CAP2: variants seen among roughly 807,000 people sequenced by gnomAD.
The protein encoded by CAP2 is cyclase associated actin cytoskeleton regulatory protein 2.
CAP2 carries 24 observed loss-of-function variants against 57.7 expected under a neutral mutation model. The ratio of observed to expected loss-of-function variants is 0.42; its 90% CI spans 0.30 to 0.58. The LOEUF (loss-of-function observed/expected upper bound fraction) is 0.58. CAP2 is among the 20% of genes least tolerant of loss of function. The pLI is 0.22. For synonymous variants in CAP2, 194 were observed against 207.2 expected, an observed-to-expected ratio of 0.94 and a Z score of 0.55; for missense variants, 501 against 590.3, an observed-to-expected ratio of 0.85 and a Z score of 1.57.
intron 4 of CAP2, among the ~76,000 whole-genome samples, chr6:17,483,322 T>C (rs1761340337): frequency 6.6e-6 from 1 of 152,256 alleles, no homozygotes; most frequent in Non-Finnish European, 1.5e-5. Flanking sequence ...TTCAGCAATT[T>C]TCTTGATTTC....
intron 4 of CAP2, among the ~76,000 whole-genome samples, chr6:17,480,672 A>G (rs995658901): frequency 2.0e-5 from 3 of 151,976 alleles, no homozygotes; most frequent in African/African-American, 7.3e-5. Flanking sequence ...GAAGCGCCTG[A>G]AGTGTCTTTG....
chr6:17,466,391 ACT>A (rs947634721), intron 4 of CAP2, among the ~76,000 whole-genome samples: 1 of 151,980 alleles, frequency 6.6e-6, no homozygotes, highest in Admixed American at 6.6e-5. Flanking sequence ...GAGTCCCAAG[ACT>A]CTGCGGTTCT....
rs567675285 is a variant in CAP2 at position 17,461,992 on chromosome 6, C to CAAAAAAAA, written c.223-980_223-973dup. ...TGGGCAACAGGGCGAGACTCCGTCT[C>CAAAAAAAA]AAAAAAAAAAAAAAAAAAAAAAAAA... On this transcript the variant is annotated intron_variant, in intron 3 of 12. Coordinates refer to ENST00000229922, the MANE Select transcript of CAP2 (RefSeq NM_006366.3). 2.8e-3 allele frequency among the ~76,000 whole-genome samples: 78 copies of CAAAAAAAA among 27,858 alleles called. 10 individuals are homozygous for CAAAAAAAA. Among genetic ancestry groups the CAAAAAAAA allele is most frequent in the Non-Finnish European group, 7.8e-3 (51 of 6,530 alleles). The allele number at this position is 27,858 out of a possible 152,430, so 18.3% of individuals were successfully genotyped here.
chr6:17,441,716 C>T (rs975132903), intron 3 of CAP2, among the ~76,000 whole-genome samples: 4 of 152,150 alleles, frequency 2.6e-5, no homozygotes, highest in African/African-American at 4.8e-5. Context: ...AACTCCTAGG[C>T]TCAAGCAATC....
intron 4 of CAP2, among the ~76,000 whole-genome samples, chr6:17,499,058 G>GAA (rs953711888): frequency 6.8e-6 from 1 of 146,358 alleles, no homozygotes. Context: ...AACTATTACT[G>GAA]AAAAAAAAAA....
intron 3 of CAP2, among the ~76,000 whole-genome samples, chr6:17,456,916 A>C (rs1375054984): frequency 6.6e-6 from 1 of 152,168 alleles, no homozygotes; most frequent in Admixed American, 6.5e-5. Context: ...GAGTATCCAG[A>C]AATCAACTGG....
At chr6:17,511,450 C>T (rs924953636) in intron 6 of CAP2, among the ~76,000 whole-genome samples, 1 of 148,070 alleles carries the variant, frequency 6.8e-6, no homozygotes, top group Non-Finnish European at 1.5e-5. Flanking sequence ...CTGTTTTTCT[C>T]TTTCTTTTTT....
At chr6:17,528,736 G>A (rs116794046) in intron 7 of CAP2, among the ~76,000 whole-genome samples, 8 of 152,176 alleles carry the variant, frequency 5.3e-5, no homozygotes, top group Non-Finnish European at 7.4e-5. Flanking sequence ...TTTAAGTACC[G>A]TTAGTACTTT....
At chr6:17,430,642 G>A (rs1020083601) in intron 3 of CAP2, among the ~76,000 whole-genome samples, 38 of 151,612 alleles carry the variant, frequency 2.5e-4, no homozygotes, top group Admixed American at 1.6e-3. Flanking sequence ...GGGTTCAAGC[G>A]ATTCTCCTGT....
At chr6:17,466,860 C>T (rs1080917) in intron 4 of CAP2, among the ~76,000 whole-genome samples, 3,836 of 152,112 alleles carry the variant, frequency 0.025, 162 homozygotes, top group African/African-American at 0.083. Flanking sequence ...TAGTGATGGA[C>T]AACTGCAGAG....
At chr6:17,397,477 G>A (rs904556437) in intron 1 of CAP2, among the ~76,000 whole-genome samples, 3 of 151,916 alleles carry the variant, frequency 2.0e-5, no homozygotes, top group African/African-American at 7.2e-5. Flanking sequence ...GGCGCATCAC[G>A]AGGTCAGGAG....
intron 3 of CAP2, among the ~76,000 whole-genome samples, chr6:17,445,820 T>C (rs764489968): frequency 6.6e-6 from 1 of 152,184 alleles, no homozygotes; most frequent in Non-Finnish European, 1.5e-5. Flanking sequence ...CCATAGACCA[T>C]GGGTGGTTGG....
At chr6:17,479,704 C>T (rs1189116658) in intron 4 of CAP2, among the ~76,000 whole-genome samples, 5 of 149,766 alleles carry the variant, frequency 3.3e-5, no homozygotes, top group East Asian at 2.0e-4. Flanking sequence ...CTCCGCCTGC[C>T]GGGTTCACGC....
At chr6:17,399,962 C>G (rs1758766697) in intron 1 of CAP2, among the ~76,000 whole-genome samples, 1 of 152,066 alleles carries the variant, frequency 6.6e-6, no homozygotes, top group Admixed American at 6.5e-5. Flanking sequence ...TGGCTCACGC[C>G]TCTAATCCCA....
At chr6:17,544,120 G>A (rs111585284) in intron 11 of CAP2, among the ~76,000 whole-genome samples, 2,051 of 90,948 alleles carry the variant, frequency 0.023, 53 homozygotes, top group African/African-American at 0.063. Flanking sequence ...GAGAGACTCT[G>A]TCTCAAAAAA....
chr6:17,416,512 G>A (rs916240868), intron 1 of CAP2, among the ~76,000 whole-genome samples: 4 of 152,164 alleles, frequency 2.6e-5, no homozygotes, highest in African/African-American at 4.8e-5. Flanking sequence ...ACACTATTGG[G>A]AGGACAAGAC....
chr6:17,454,293 G>A (rs934539275), intron 3 of CAP2, among the ~76,000 whole-genome samples: 4 of 151,946 alleles, frequency 2.6e-5, no homozygotes, highest in African/African-American at 9.7e-5. Flanking sequence ...AGTCGTGGCC[G>A]TGACGCTAGA....
chr6:17,542,816 T>C (rs1252890002), intron 9 of CAP2, 21 bp from the exon 10 acceptor site: 2 of 1,592,364 alleles, frequency 1.3e-6, no homozygotes, highest in African/African-American at 2.7e-5. Flanking sequence ...TGTTTAATAT[T>C]TGTATTTGTC....
At chr6:17,529,421 C>T (rs1762585114) in intron 7 of CAP2, among the ~76,000 whole-genome samples, 1 of 152,104 alleles carries the variant, frequency 6.6e-6, no homozygotes, top group African/African-American at 2.4e-5. Context: ...GCAGGCGGAT[C>T]ACGAGGTCAG....
Sources: allele counts gnomAD v4.1 joint callset (sites outside exome capture counted in the v4.1 genomes callset), GRCh38; gene constraint gnomAD v4.1.1; transcripts MANE v1.5; gene names NCBI Gene and HGNC (gene_info 2026-07-23, HGNC 2026-07-21).